AMD1: variants seen among roughly 807,000 people sequenced by gnomAD.
The protein encoded by AMD1 is adenosylmethionine decarboxylase 1, also known as S-adenosylmethionine decarboxylase proenzyme.
A neutral mutation model predicts 40.2 loss-of-function variants in AMD1; 11 were observed. The observed-to-expected ratio is 0.27, with a 90% CI of 0.17 to 0.45. The LOEUF (loss-of-function observed/expected upper bound fraction) is 0.45. Ranked by LOEUF, AMD1 falls within the 20% of genes least tolerant of loss-of-function variation. The probability of loss-of-function intolerance (pLI) is 1.00; values close to 1 mark genes in which losing one functional copy is unlikely to be tolerated. For synonymous variants in AMD1, 121 were observed against 130.8 expected, an observed-to-expected ratio of 0.93 and a Z score of 0.51; for missense variants, 257 against 410.2, an observed-to-expected ratio of 0.63 and a Z score of 3.23.
intron 1 of AMD1, among the ~76,000 whole-genome samples, chr6:110,876,564 C>T (rs534503559): frequency 8.6e-5 from 13 of 152,016 alleles, no homozygotes; most frequent in Non-Finnish European, 1.9e-4. Flanking sequence ...GTATCTTGAA[C>T]GATTCCATTG....
intron 1 of AMD1, among the ~76,000 whole-genome samples, chr6:110,879,286 C>T (rs112336271): frequency 0.024 from 3,583 of 152,204 alleles, 121 homozygotes; most frequent in African/African-American, 0.084. Context: ...ATTGGGGGAT[C>T]GAGGCTGCAG....
chr6:110,834,795 A>G, the AMD1 span, among the ~76,000 whole-genome samples: 193 of 151,848 alleles, frequency 1.3e-3, no homozygotes, highest in African/African-American at 4.4e-3. Flanking sequence ...CAGCTAATAC[A>G]AAAATTAGCT....
the AMD1 span, among the ~76,000 whole-genome samples, chr6:110,857,837 T>C: frequency 6.7e-6 from 1 of 149,304 alleles, no homozygotes; most frequent in Non-Finnish European, 1.5e-5. Flanking sequence ...TCACTATAGA[T>C]TGATTGATTG....
Position 110,892,727 on chromosome 6 carries a change from C to CG in AMD1, c.616-8_616-7insG. 1.2e-6 allele frequency: 2 copies of CG among 1,606,980 alleles called. No homozygotes were observed. The highest frequency in any genetic ancestry group is 1.1e-5 in the South Asian group (1 of 90,796). On this transcript the variant is annotated splice_region_variant and splice_polypyrimidine_tract_variant and intron_variant, in intron 6 of 8. Coordinates refer to ENST00000368885, the MANE Select transcript of AMD1 (RefSeq NM_001634.6). ...CCCTTGTTAAACTCGGTCTTTTTCC[C>CG]CCCCCAGGAGAGTGGAATTCGTGAC...
the AMD1 span, among the ~76,000 whole-genome samples, chr6:110,848,990 A>G: frequency 2.6e-5 from 4 of 152,222 alleles, no homozygotes; most frequent in Admixed American, 6.5e-5. Flanking sequence ...TGCGTAACAA[A>G]GACAGACCCT....
At chr6:110,849,124 C>A in the AMD1 span, among the ~76,000 whole-genome samples, 66 of 152,292 alleles carry the variant, frequency 4.3e-4, no homozygotes, top group Middle Eastern at 3.4e-3. Flanking sequence ...GTGATACAGA[C>A]AATGACTTTT....
upstream of AMD1, among the ~76,000 whole-genome samples, chr6:110,870,945 A>G (rs1784909385): frequency 6.6e-6 from 1 of 152,200 alleles, no homozygotes; most frequent in Non-Finnish European, 1.5e-5. Flanking sequence ...TTGCTATAGT[A>G]GCTTAGTGAC....
the AMD1 span, among the ~76,000 whole-genome samples, chr6:110,863,239 C>T: frequency 6.6e-6 from 1 of 152,022 alleles, no homozygotes; most frequent in Non-Finnish European, 1.5e-5. Flanking sequence ...GCCACCACGC[C>T]TGGCCCCCAA....
At chr6:110,891,446 C>T (rs1786011695) in intron 4 of AMD1, 1 of 152,218 alleles carries the variant, frequency 6.6e-6, no homozygotes, top group Admixed American at 6.5e-5. Flanking sequence ...ATTAGTGTTT[C>T]TTGAATGAAA....
At chr6:110,891,622 TCTA>T (rs1272824139) in intron 4 of AMD1, 1 of 157,514 alleles carries the variant, frequency 6.3e-6, no homozygotes, top group Non-Finnish European at 1.4e-5. Flanking sequence ...ACTTAGCACA[TCTA>T]CTAATATGAA....
chr6:110,840,013 CTTT>C, the AMD1 span, among the ~76,000 whole-genome samples: 3 of 92,868 alleles, frequency 3.2e-5, no homozygotes, highest in African/African-American at 4.1e-5. Context: ...GATTCTCTCT[CTTT>C]TTTTTTTTTT....
chr6:110,832,576 T>A, the AMD1 span, among the ~76,000 whole-genome samples: 1 of 152,204 alleles, frequency 6.6e-6, no homozygotes, highest in Non-Finnish European at 1.5e-5. Flanking sequence ...TCTCCAACCT[T>A]GTAGACAAGA....
chr6:110,881,091 T>G (rs1367409226), intron 1 of AMD1, among the ~76,000 whole-genome samples: 1 of 152,250 alleles, frequency 6.6e-6, no homozygotes, highest in Non-Finnish European at 1.5e-5. Flanking sequence ...TTTTCAGACA[T>G]ACAATTTGTG....
the AMD1 span, among the ~76,000 whole-genome samples, chr6:110,839,721 G>A: frequency 6.6e-6 from 1 of 152,048 alleles, no homozygotes; most frequent in Non-Finnish European, 1.5e-5. Context: ...TTTATTCCTT[G>A]TATCTAATCT....
the AMD1 span, among the ~76,000 whole-genome samples, chr6:110,853,684 TCTCAC>T: frequency 6.6e-6 from 1 of 152,140 alleles, no homozygotes; most frequent in Admixed American, 6.6e-5. Context: ...CAAGCGATCC[TCTCAC>T]CTCAGCCTCC....
At chr6:110,837,919 A>G in the AMD1 span, among the ~76,000 whole-genome samples, 1 of 150,008 alleles carries the variant, frequency 6.7e-6, no homozygotes, top group Admixed American at 6.7e-5. Context: ...AAAGTTAGCT[A>G]GGTGTGGTGG....
the AMD1 span, among the ~76,000 whole-genome samples, chr6:110,821,304 A>T: frequency 6.6e-6 from 1 of 152,108 alleles, no homozygotes; most frequent in Non-Finnish European, 1.5e-5. Context: ...TTACATATAA[A>T]CACACTGAGA....
At chr6:110,858,546 T>C in the AMD1 span, 2 of 1,601,000 alleles carry the variant, frequency 1.2e-6, no homozygotes, top group Non-Finnish European at 1.7e-6. Flanking sequence ...ATGAACACCG[T>C]GGACCTGTTC....
At chr6:110,888,696 T>C (rs1785841753) in intron 2 of AMD1, 161 bp from the exon 3 acceptor site, 1 of 602,272 alleles carries the variant, frequency 1.7e-6, no homozygotes, top group Non-Finnish European at 2.8e-6. Context: ...TGGGGATGTT[T>C]TGTATACTAG....
Sources: gnomAD v4.1 joint callset for allele counts (sites outside exome capture counted in the v4.1 genomes callset) on GRCh38, gnomAD v4.1.1 for gene constraint, MANE v1.5 for transcripts, NCBI Gene and HGNC (gene_info 2026-07-23, HGNC 2026-07-21) for gene names.